Variants in RNF212B observed in about 807,000 individuals in gnomAD.
RNF212B encodes E3 ubiquitin-protein ligase RNF212B.
Under a neutral mutation model 55.5 loss-of-function variants are expected in RNF212B, and 52 were observed. That is an observed-to-expected ratio of 0.94 (90% confidence interval 0.75 to 1.18). The LOEUF (loss-of-function observed/expected upper bound fraction) is 1.18, where lower values mean the gene tolerates loss of function less well. RNF212B is among the 50% of genes most tolerant of loss of function. The pLI is 0.00. For missense variants in RNF212B, 289 were observed against 350.4 expected (o/e 0.82, Z 1.40); for synonymous variants, 99 against 121.4 (o/e 0.82, Z 1.21).
intron 1 of RNF212B, among the ~76,000 whole-genome samples, chr14:23,189,010 C>A (rs942647287): frequency 3.9e-5 from 6 of 152,148 alleles, no homozygotes; most frequent in African/African-American, 1.4e-4. Context: ...TGTACAGGGG[C>A]TGGAACACAG....
chr14:23,195,383 C>T (rs746264374), intron 2 of RNF212B, among the ~76,000 whole-genome samples: 1 of 152,070 alleles, frequency 6.6e-6, no homozygotes, highest in Admixed American at 6.6e-5. Flanking sequence ...TCAGAGGAAC[C>T]AAATGGAATT....
intron 2 of RNF212B, among the ~76,000 whole-genome samples, chr14:23,228,132 A>G (rs975285423): frequency 1.3e-4 from 20 of 152,086 alleles, no homozygotes; most frequent in Admixed American, 5.9e-4. Flanking sequence ...CAGGAGGCTG[A>G]GGCAGGAGAA....
Position 23,240,396 on chromosome 14 carries a change from C to G in RNF212B, c.51C>G (p.Phe17Leu). The G allele has an allele frequency of 6.5e-7, 1 of 1,550,342 alleles. No homozygotes were observed. The change falls in exon 2 of 15, where the codon TTC becomes TTG. Residue 17 changes from phenylalanine (F) to leucine (L), a missense_variant. By Grantham distance (22) the Phe-to-Leu change is conservative. Transcript: ENST00000430154. ...NQCFRKDGAH[F>L]FVTSCGHIFC... is the part of the protein sequence containing the mutation. ...GCTTCCGAAAAGATGGGGCCCATTT[C>G]TTTGTCACCAGCTGTGGCCATATTT...
At chr14:23,238,871 A>T (rs1030925070) in intron 1 of RNF212B, among the ~76,000 whole-genome samples, 2 of 152,054 alleles carry the variant, frequency 1.3e-5, no homozygotes, top group African/African-American at 4.8e-5. Context: ...AGGCTATATG[A>T]TTACCATGTC....
chr14:23,218,886 G>A (rs574108935), intron 2 of RNF212B, among the ~76,000 whole-genome samples: 2 of 151,876 alleles, frequency 1.3e-5, no homozygotes, highest in South Asian at 2.1e-4. Flanking sequence ...GAGTACCTCC[G>A]GGCATTTAAT....
chr14:23,259,912 G>T lies in RNF212B; in HGVS notation c.373G>T (p.Gly125Ter). 1 of 1,519,384 alleles carries T rather than the reference G, an allele frequency of 6.6e-7. No individual in the cohort carries two copies. Among genetic ancestry groups the T allele is most frequent in the Non-Finnish European group, 8.8e-7 (1 of 1,130,034 alleles). The allele number at this position is 1,519,384 out of a possible 1,614,324, so 94.1% of individuals were successfully genotyped here. The stretch of plus-strand genomic sequence containing the variant: ...ATTGTCAGTCTTAAGGAAGGAGAAT[G>T]GAGAACTGAAGAAATTTCTAGCCAT... The part of the protein sequence containing the change: ...KELSVLRKEN[G>*]ELKKFLAILK... The change falls in exon 6 of 15, where the codon GGA (glycine) becomes TGA (stop). Residue 125 changes from glycine to a stop codon, truncating the protein, a stop_gained. Transcript: ENST00000430154. LOFTEE classifies it high-confidence loss of function.
At chr14:23,257,702 C>T (rs765490688) in intron 4 of RNF212B, among the ~76,000 whole-genome samples, 1 of 152,126 alleles carries the variant, frequency 6.6e-6, no homozygotes, top group Non-Finnish European at 1.5e-5. Flanking sequence ...ATGATAGACA[C>T]ATTAGTATAG....
intron 2 of RNF212B, 50 bp downstream of exon 2, chr14:23,240,495 G>C: frequency 1.6e-6 from 2 of 1,219,874 alleles, no homozygotes; most frequent in Middle Eastern, 3.8e-4. Flanking sequence ...TTTCATGTAA[G>C]GATGTAAGGA....
intron 1 of RNF212B, among the ~76,000 whole-genome samples, chr14:23,193,110 A>AG (rs1391395797): frequency 3.2e-5 from 3 of 94,188 alleles, no homozygotes; most frequent in Admixed American, 1.1e-4. Context: ...AAAAAAAAAA[A>AG]AAAAAAAAGA....
At position 23,219,620 on chromosome 14, in the gene RNF212B, C is replaced by T. The variant is rs149505783; in HGVS notation, c.-1-20725C>T. Among the ~76,000 whole-genome samples, 1,312 of 151,882 alleles carry T rather than the reference C, an allele frequency of 8.6e-3. 24 individuals are homozygous for T. Among genetic ancestry groups the T allele is most frequent in the African/African-American group, 0.03 (1,241 of 41,446 alleles). ...CCAAGTAGCTGGAATGATAGGCGTG[C>T]ACCACCATGCCCAGCTAATTTTTGT... On this transcript the variant is annotated intron_variant, in intron 2 of 15. Transcript: ENST00000399910.
intron 1 of RNF212B, among the ~76,000 whole-genome samples, chr14:23,191,071 A>G (rs922906897): frequency 6.6e-6 from 1 of 152,168 alleles, no homozygotes. Flanking sequence ...AGTCCATCGC[A>G]GGCTGCGCGC....
At chr14:23,235,406 G>T (rs946111156), upstream of RNF212B, among the ~76,000 whole-genome samples, 1 of 152,078 alleles carries the variant, frequency 6.6e-6, no homozygotes, top group Non-Finnish European at 1.5e-5. Context: ...TTTGTAACCT[G>T]AGCTAATCAC....
At chr14:23,221,179 G>A (rs928841442) in intron 2 of RNF212B, among the ~76,000 whole-genome samples, 1 of 151,170 alleles carries the variant, frequency 6.6e-6, no homozygotes, top group East Asian at 1.9e-4. Flanking sequence ...TTGAGGTCAG[G>A]AGTTTGAGAC....
chr14:23,254,917 A>C (rs1884709182), intron 4 of RNF212B, among the ~76,000 whole-genome samples: 1 of 152,222 alleles, frequency 6.6e-6, no homozygotes, highest in Non-Finnish European at 1.5e-5. Context: ...AATAAAAATT[A>C]TGTTTCATAT....
At chr14:23,203,990 A>G (rs1879587867) in intron 2 of RNF212B, among the ~76,000 whole-genome samples, 3 of 152,156 alleles carry the variant, frequency 2.0e-5, no homozygotes, top group Admixed American at 2.0e-4. Context: ...AGTGATGCTG[A>G]GCATACGTTT....
Position 23,270,105 on chromosome 14 carries a change from C to T in RNF212B, c.772+145C>T, listed in dbSNP as rs1885969639. On this transcript the variant is annotated intron_variant, in intron 13 of 14. Coordinates refer to ENST00000430154, the MANE Select transcript of RNF212B (RefSeq NM_001282322.3). Reference sequence around the variant, plus strand: ...TGGCTCCTTAATATTCTTTAAGAGCCATCCCATTTTCTTCAGAGTGAAGGG... The same window carrying T: ...TGGCTCCTTAATATTCTTTAAGAGCTATCCCATTTTCTTCAGAGTGAAGGG... 8.1e-6 allele frequency: 5 copies of T among 616,664 alleles called. No individual in the cohort carries two copies. In the Admixed American group the frequency reaches 1.4e-4, roughly 17 times the overall value. 38.2% of individuals were successfully genotyped at this position (616,664 alleles called of 1,614,324 possible).
intron 1 of RNF212B, among the ~76,000 whole-genome samples, chr14:23,192,698 A>G (rs891446607): frequency 6.6e-6 from 1 of 152,192 alleles, no homozygotes; most frequent in African/African-American, 2.4e-5. Context: ...TAAAAAAAAG[A>G]ATATTCTAAT....
At chr14:23,251,037 TG>T (rs973254342) in intron 4 of RNF212B, among the ~76,000 whole-genome samples, 1 of 152,182 alleles carries the variant, frequency 6.6e-6, no homozygotes, top group Admixed American at 6.5e-5. Context: ...CTTAGTGATT[TG>T]GGGGGTCCAA....
At chr14:23,208,173 T>C (rs953361371) in intron 2 of RNF212B, among the ~76,000 whole-genome samples, 17 of 152,024 alleles carry the variant, frequency 1.1e-4, no homozygotes, top group Non-Finnish European at 7.4e-5. Flanking sequence ...CTTGGAGAAA[T>C]GGCTTTTAGA....
Sources: gnomAD v4.1 joint callset for allele counts (sites outside exome capture counted in the v4.1 genomes callset) on GRCh38, gnomAD v4.1.1 for gene constraint, MANE v1.5 for transcripts, NCBI Gene and HGNC (gene_info 2026-07-23, HGNC 2026-07-21) for gene names.